The following LHX1 variants were observed in gnomAD, a reference collection of about 807,000 sequenced individuals.
LHX1 encodes LIM/homeobox protein Lhx1.
In LHX1, 9 loss-of-function variants were observed where a neutral mutation model predicts 34.1. The ratio of observed to expected loss-of-function variants is 0.26; its 90% CI spans 0.16 to 0.46. LHX1 has a LOEUF of 0.46. Among genes scored for constraint, LHX1 ranks in the 20% least tolerant of loss-of-function variants. LHX1 has a pLI of 1.00. For synonymous variants in LHX1, 254 were observed against 241.5 expected (o/e 1.05, Z -0.48); for missense variants, 446 against 559.1 (o/e 0.80, Z 2.04).
At position 36,942,847 on chromosome 17, in the gene LHX1, T is replaced by G; in HGVS notation, c.937T>G (p.Phe313Val). Residue 313 changes from phenylalanine to valine, a missense_variant, in exon 5 of 5, where the codon TTC (phenylalanine) becomes GTC (valine). Physicochemically the swap from Phe to Val is conservative, Grantham distance 50. This residue lies in a region of LHX1 where 235 missense variants were observed against 224.4 expected (regional missense o/e 1.05). Transcript: ENST00000614239. ...GGCCCAGACACCAGTGGACCTACCC[T>G]TCGTGCCGTCATCTGGGCCGTCCGG... ...SQAQTPVDLP[F>V]VPSSGPSGTP... 1 of 1,590,468 alleles carries G rather than the reference T, an allele frequency of 6.3e-7. No homozygotes were observed. Among genetic ancestry groups the G allele is most frequent in the Non-Finnish European group, 8.6e-7 (1 of 1,166,120 alleles).
Position 36,938,066 on chromosome 17 carries a change from C to A in LHX1, c.-132C>A. 2 of 870,440 alleles carry A rather than the reference C, an allele frequency of 2.3e-6. No individual in the cohort carries two copies. The highest frequency in any genetic ancestry group is 3.7e-6 in the Non-Finnish European group (2 of 544,130). The allele number at this position is 870,440 out of a possible 1,614,324, so 53.9% of individuals were successfully genotyped here. On this transcript the variant is annotated 5_prime_UTR_variant, in exon 1 of 5. Coordinates refer to ENST00000614239, the MANE Select transcript of LHX1 (RefSeq NM_005568.5). Reference sequence around the variant, plus strand: ...TTTGATTTCCTGGTGCGAGTTTTGGCTTGCACGGCCGAGTGTGTGTCCTCT... The same window carrying A: ...TTTGATTTCCTGGTGCGAGTTTTGGATTGCACGGCCGAGTGTGTGTCCTCT...
chr17:36,942,306 T>A lies in LHX1; in HGVS notation c.782T>A (p.Leu261Gln). 1 of 1,593,744 alleles carries A rather than the reference T, an allele frequency of 6.3e-7. No individual in the cohort carries two copies. Among genetic ancestry groups the A allele is most frequent in the Admixed American group, 1.8e-5 (1 of 56,544 alleles). Residue 261 changes from leucine (L) to glutamine (Q), a missense_variant, in exon 4 of 5, where the codon CTG becomes CAG. This residue lies in a region of LHX1 where 235 missense variants were observed against 224.4 expected (regional missense o/e 1.05). Transcript: ENST00000614239. ...FFRSPRRMRPLVDRLEPGELI... is the reference protein window; with the variant it reads ...FFRSPRRMRPQVDRLEPGELI... ...CGCAGTCCGCGCCGGATGCGGCCGC[T>A]GGTGGACCGCCTGGAGCCGGGCGAG... is the stretch of plus-strand genomic sequence containing the variant.
chr17:36,942,588 C>A (rs2070772967), intron 4 of LHX1, among the ~76,000 whole-genome samples, 164 bp from the exon 5 acceptor site: 1 of 152,230 alleles, frequency 6.6e-6, no homozygotes, highest in African/African-American at 2.4e-5. Context: ...CCCGGGCTTG[C>A]GCCCAGCCTC....
rs1425652954 is a variant in LHX1 at position 36,940,053 on chromosome 17, C to A, written c.171-237C>A. ...CTGGCTCTAACCGCGTGTATCCCCT[C>A]CCTAACTCTTCCCTGGTGCCGCGCT... On this transcript the variant is annotated intron_variant, in intron 1 of 4. Transcript: ENST00000614239. 3 of 601,448 alleles carry A rather than the reference C, an allele frequency of 5.0e-6. No homozygotes were observed. The African/African-American group carries it at 5.6e-5, about 11-fold the overall frequency. The allele number at this position is 601,448 out of a possible 1,614,324, so 37.3% of individuals were successfully genotyped here.
chr17:36,943,215 A>C lies in LHX1; in HGVS notation c.*84A>C. On this transcript the variant is annotated 3_prime_UTR_variant, in exon 5 of 5. Transcript: ENST00000614239. Reference sequence around the variant, plus strand: ...AAAAATAGAAAAAAAAAAACATAAAAAGCAAGTCCCCACCCCCTTCCTCCA... The same window carrying C: ...AAAAATAGAAAAAAAAAAACATAAACAGCAAGTCCCCACCCCCTTCCTCCA... 10 of 1,445,134 alleles carry C rather than the reference A, an allele frequency of 6.9e-6. No individual in the cohort carries two copies. Among genetic ancestry groups the C allele is most frequent in the Non-Finnish European group, 9.3e-6 (10 of 1,073,438 alleles). The allele number at this position is 1,445,134 out of a possible 1,614,324, so 89.5% of individuals were successfully genotyped here. A position where few individuals can be genotyped will look rare whatever the true frequency, so the allele number is the denominator to read the frequency against.
chr17:36,944,582 T>G lies in LHX1; in HGVS notation c.*1451T>G, dbSNP rs1440364538. On this transcript the variant is annotated 3_prime_UTR_variant, in exon 5 of 5. Transcript: ENST00000614239. ...AAAACATGTTGAATAAATTTGTGAGTTTTTAATAAAAATAGAAAATCTGAT... is the reference window on the plus strand; with the variant it reads ...AAAACATGTTGAATAAATTTGTGAGGTTTTAATAAAAATAGAAAATCTGAT... 6.6e-6 allele frequency: 1 copy of G among 152,306 alleles called. No individual in the cohort carries two copies. The highest frequency in any genetic ancestry group is 2.4e-5 in the African/African-American group (1 of 41,564). 9.4% of individuals were successfully genotyped at this position (152,306 alleles called of 1,614,324 possible). A position where few individuals can be genotyped will look rare whatever the true frequency, so the allele number is the denominator to read the frequency against.
intron 4 of LHX1, 51 bp downstream of exon 4, chr17:36,942,416 T>G: frequency 6.5e-7 from 1 of 1,536,608 alleles, no homozygotes. Context: ...CGGGCTTCGT[T>G]GGAAGCGGGT....
chr17:36,942,759 G>T lies in LHX1; in HGVS notation c.849G>T (p.Gln283His). 6.6e-7 allele frequency: 1 copy of T among 1,523,918 alleles called. No homozygotes were observed. Among genetic ancestry groups the T allele is most frequent in the Admixed American group, 2.0e-5 (1 of 48,816 alleles). The allele number at this position is 1,523,918 out of a possible 1,614,324, so 94.4% of individuals were successfully genotyped here. The change falls in exon 5 of 5, where the codon CAG becomes CAT. Residue 283 changes from glutamine (Q) to histidine (H), a missense_variant. By Grantham distance (24) the Gln-to-His change is conservative (BLOSUM62 0). This residue lies in a region of LHX1 where 235 missense variants were observed against 224.4 expected (regional missense o/e 1.05). Transcript: ENST00000614239. ...CTCCCCGCCGCTCCGCAGATTACCA[G>T]AGCGAGTACTACGGGCCCGGGGGCA... The part of the protein sequence containing the change: ...NGPFSFYGDY[Q>H]SEYYGPGGNY...
Position 36,943,310 on chromosome 17 carries a change from G to A in LHX1, c.*179G>A. On this transcript the variant is annotated 3_prime_UTR_variant, in exon 5 of 5. Coordinates refer to ENST00000614239, the MANE Select transcript of LHX1 (RefSeq NM_005568.5). ...GGGACACGAAATAGGATCCAAATCG[G>A]CCTCGAGGTGGGACTGGGATCCGCG... is the stretch of plus-strand genomic sequence containing the variant. 1.3e-6 allele frequency: 1 copy of A among 751,906 alleles called. No homozygotes were observed. The highest frequency in any genetic ancestry group is 2.0e-6 in the Non-Finnish European group (1 of 490,326). The allele number at this position is 751,906 out of a possible 1,614,324, so 46.6% of individuals were successfully genotyped here. A position where few individuals can be genotyped will look rare whatever the true frequency, so the allele number is the denominator to read the frequency against.
rs1196454555 is a variant in LHX1, at chr17:36,940,903, GC to G, written c.675+18del. The G allele has an allele frequency of 1.0e-5, 16 of 1,567,942 alleles. No individual in the cohort carries two copies. The highest frequency in any genetic ancestry group is 1.4e-5 in the Non-Finnish European group (16 of 1,162,024). ...CGTCATTCAGGTCAGGCCCCGGCGC[GC>G]CTCTCCATCCCACAGAGGCCCACAC... On this transcript the variant is annotated intron_variant, in intron 3 of 4. Transcript: ENST00000614239.
rs758807732 is a variant in LHX1 at position 36,938,247 on chromosome 17, T to C, written c.50T>C (p.Leu17Ser). ...CKRPILDRFL[L>S]NVLDRAWHVK... ...AGGCCCATCCTGGACCGCTTTCTCTTGAACGTGCTGGACAGGGCCTGGCAC... is the reference window on the plus strand; with the variant it reads ...AGGCCCATCCTGGACCGCTTTCTCTCGAACGTGCTGGACAGGGCCTGGCAC... Residue 17 changes from leucine (L) to serine (S), a missense_variant, in exon 1 of 5, where the codon TTG (leucine) becomes TCG (serine). Physicochemically the swap from Leu to Ser is moderately radical, Grantham distance 145. Transcript: ENST00000614239. 1 of 1,614,048 alleles carries C rather than the reference T, an allele frequency of 6.2e-7. No homozygotes were observed. The highest frequency in any genetic ancestry group is 1.3e-5 in the African/African-American group (1 of 74,924).
chr17:36,938,690 C>A (rs1228733649), intron 1 of LHX1: 1 of 485,694 alleles, frequency 2.1e-6, no homozygotes, highest in Admixed American at 3.3e-5. Flanking sequence ...GGACTGCTGT[C>A]TTTCCCGGAG....
chr17:36,938,111 C>A lies in LHX1; in HGVS notation c.-87C>A. The stretch of plus-strand genomic sequence containing the variant: ...TCCTCTTTTTGGAGAGACTGGGGAG[C>A]TCGTGCCGATTGTCTTCAGGAGTCA... On this transcript the variant is annotated 5_prime_UTR_variant, in exon 1 of 5. Coordinates refer to ENST00000614239, the MANE Select transcript of LHX1 (RefSeq NM_005568.5). The A allele has an allele frequency of 1.5e-6, 2 of 1,316,312 alleles. No homozygotes were observed. The highest frequency in any genetic ancestry group is 2.2e-6 in the Non-Finnish European group (2 of 915,270). 81.5% of individuals were successfully genotyped at this position (1,316,312 alleles called of 1,614,324 possible).
Position 36,937,933 on chromosome 17 carries a change from G to C in LHX1, c.-265G>C. ...GCCTGAGACTTCTTTTCCTCGCCCC[G>C]GGAGCTCAGGCGGCGCCGCTCCAGC... On this transcript the variant is annotated 5_prime_UTR_variant, in exon 1 of 5. Transcript: ENST00000614239. 1 of 601,518 alleles carries C rather than the reference G, an allele frequency of 1.7e-6. No individual in the cohort carries two copies. The highest frequency in any genetic ancestry group is 3.0e-6 in the Non-Finnish European group (1 of 333,356). The allele number at this position is 601,518 out of a possible 1,614,324, so 37.3% of individuals were successfully genotyped here. A position where few individuals can be genotyped will look rare whatever the true frequency, so the allele number is the denominator to read the frequency against.
At chr17:36,941,824 A>T (rs567181922) in intron 3 of LHX1, among the ~76,000 whole-genome samples, 52 of 152,222 alleles carry the variant, frequency 3.4e-4, no homozygotes, top group African/African-American at 1.2e-3. Flanking sequence ...GCTGCAAGAG[A>T]CCGTGAAATG....
chr17:36,943,265 G>C lies in LHX1; in HGVS notation c.*134G>C. ...AGCCTCGAGAACCATTCTCCTTCTG[G>C]GGAGACCGGATGGAAAAGGGGGACA... On this transcript the variant is annotated 3_prime_UTR_variant, in exon 5 of 5. Coordinates refer to ENST00000614239, the MANE Select transcript of LHX1 (RefSeq NM_005568.5). 9.0e-7 allele frequency: 1 copy of C among 1,105,940 alleles called. No homozygotes were observed. Among genetic ancestry groups the C allele is most frequent in the Non-Finnish European group, 1.3e-6 (1 of 797,440 alleles). The allele number at this position is 1,105,940 out of a possible 1,614,324, so 68.5% of individuals were successfully genotyped here.
At position 36,939,488 on chromosome 17, in the gene LHX1, C is replaced by T. The variant is rs571891795; in HGVS notation, c.171-802C>T. 8.7e-4 allele frequency among the ~76,000 whole-genome samples: 132 copies of T among 152,324 alleles called. 1 individual carries two copies. The highest frequency in any genetic ancestry group is 1.5e-3 in the Non-Finnish European group (105 of 68,016). On this transcript the variant is annotated intron_variant, in intron 1 of 4. Transcript: ENST00000614239. ...TTGCGTGGAACCATGAAGCAAAGCTCCGTGCTCGCTGGTATTTCGGGAGAA... is the reference window on the plus strand; with the variant it reads ...TTGCGTGGAACCATGAAGCAAAGCTTCGTGCTCGCTGGTATTTCGGGAGAA...
At chr17:36,937,292 G>A (rs990136083), upstream of LHX1, 2 of 437,600 alleles carry the variant, frequency 4.6e-6, no homozygotes, top group South Asian at 3.2e-5. Context: ...CGGGCGCAGG[G>A]AGGGTCGCCC....
Position 36,942,810 on chromosome 17 carries a change from C to A in LHX1, c.900C>A (p.Pro300=). The change falls in exon 5 of 5, where the codon CCC becomes CCA. Residue 300 remains proline (P), a synonymous_variant. Coordinates refer to ENST00000614239, the MANE Select transcript of LHX1 (RefSeq NM_005568.5). ...ACTACGACTTCTTCCCGCAAGGCCC[C>A]CCGTCCTCGCAGGCCCAGACACCAG... ...GGNYDFFPQG[P]PSSQAQTPVD... 1 of 1,555,560 alleles carries A rather than the reference C, an allele frequency of 6.4e-7. No homozygotes were observed. The highest frequency in any genetic ancestry group is 1.9e-5 in the Admixed American group (1 of 53,416).
Sources: gnomAD v4.1 joint callset for allele counts (sites outside exome capture counted in the v4.1 genomes callset) on GRCh38, gnomAD v4.1.1 for gene constraint, gnomAD v4.1.1 regional missense constraint, MANE v1.5 for transcripts, NCBI Gene and HGNC (gene_info 2026-07-23, HGNC 2026-07-21) for gene names.